Variants in KLHL30 observed in about 807,000 individuals in gnomAD.
The protein encoded by KLHL30 is kelch-like protein 30.
A neutral mutation model predicts 55.0 loss-of-function variants in KLHL30; 55 were observed. That is an observed-to-expected ratio of 1.00 (90% confidence interval 0.80 to 1.25). The LOEUF (loss-of-function observed/expected upper bound fraction) is 1.25, where lower values mean the gene tolerates loss of function less well. Ranked by LOEUF, KLHL30 falls within the 50% of genes most tolerant of loss-of-function variation. KLHL30 has a pLI of 0.00. For synonymous variants in KLHL30, 356 were observed against 372.6 expected, an observed-to-expected ratio of 0.96 and a Z score of 0.51; for missense variants, 786 against 811.6, an observed-to-expected ratio of 0.97 and a Z score of 0.38.
intron 2 of KLHL30, 78 bp from the exon 3 acceptor site, chr2:238,142,721 G>A: frequency 7.7e-7 from 1 of 1,292,942 alleles, no homozygotes; most frequent in South Asian, 2.4e-5. Flanking sequence ...CACATGCTGA[G>A]GCCTGCCCAG....
In KLHL30 at chr2:238,143,220, A is replaced by G. The variant is rs533577482; in HGVS notation, c.907+289A>G. On this transcript the variant is annotated intron_variant, in intron 3 of 7. Coordinates refer to ENST00000409223, the MANE Select transcript of KLHL30 (RefSeq NM_198582.4). ...AGCCGGTGTACAGGCCTCCACGGCC[A>G]AGACTGCACCCTGTGGGGTGGGCGG... Among the ~76,000 whole-genome samples, 8 of 152,206 alleles carry G rather than the reference A, an allele frequency of 5.3e-5. No individual in the cohort carries two copies. In the South Asian group the frequency reaches 1.7e-3, roughly 32 times the overall value.
intron 1 of KLHL30, among the ~76,000 whole-genome samples, chr2:238,139,085 G>A (rs970842751): frequency 1.3e-5 from 2 of 152,176 alleles, no homozygotes; most frequent in African/African-American, 2.4e-5. Flanking sequence ...TCCTCACTCC[G>A]GGCCTGGGCA....
Position 238,140,856 on chromosome 2 carries a change from C to T in KLHL30, c.102C>T (p.Asp34=), listed in dbSNP as rs546002595. 3.4e-5 allele frequency: 55 copies of T among 1,610,992 alleles called. No homozygotes were observed. The highest frequency in any genetic ancestry group is 1.2e-4 in the African/African-American group (9 of 75,036). ...TGCGCTCTCAGCCCAAGCTGGCCGA[C>T]GTCACACTGCTGGTGGGCGGCCGGG... ...QRLRSQPKLA[D]VTLLVGGREL... The change falls in exon 2 of 8, where the codon GAC becomes GAT. Residue 34 remains aspartate, a synonymous_variant. Coordinates refer to ENST00000409223, the MANE Select transcript of KLHL30 (RefSeq NM_198582.4).
rs1375957273 is a variant in KLHL30 at position 238,147,062 on chromosome 2, C to T, written c.1151-772C>T. ...CACGTGCCAGCCGAGGTAGGAGTAT[C>T]GCTGAGCCTGAGAGGTTGAGGCTGC... On this transcript the variant is annotated intron_variant, in intron 5 of 7. Transcript: ENST00000409223. The surrounding 1 kb of genome is among the most constrained non-coding windows in gnomAD (Gnocchi z 5.8). Among the ~76,000 whole-genome samples, 1 of 149,486 alleles carries T rather than the reference C, an allele frequency of 6.7e-6. No individual in the cohort carries two copies. Among genetic ancestry groups the T allele is most frequent in the Non-Finnish European group, 1.5e-5 (1 of 67,550 alleles).
rs557055266 is a variant in KLHL30 at position 238,147,387 on chromosome 2, C to T, written c.1151-447C>T. The stretch of plus-strand genomic sequence containing the variant: ...GCCAGGGCCTGCTCTCCCCAGGAGG[C>T]GTCCCCATCACTGCCACACCCAGAT... On this transcript the variant is annotated intron_variant, in intron 5 of 7. Coordinates refer to ENST00000409223, the MANE Select transcript of KLHL30 (RefSeq NM_198582.4). The surrounding 1 kb of genome is among the most constrained non-coding windows in gnomAD (Gnocchi z 5.8). Among the ~76,000 whole-genome samples, 27 of 152,166 alleles carry T rather than the reference C, an allele frequency of 1.8e-4. No individual in the cohort carries two copies. The highest frequency in any genetic ancestry group is 6.5e-4 in the African/African-American group (27 of 41,526).
intron 6 of KLHL30, among the ~76,000 whole-genome samples, 179 bp from the exon 7 acceptor site, chr2:238,148,828 G>A (rs1559277633): frequency 1.3e-5 from 2 of 152,168 alleles, no homozygotes; most frequent in South Asian, 4.1e-4. Flanking sequence ...GATCGAGGCT[G>A]GGTGAGAGGC....
chr2:238,143,357 C>T (rs1173117492), intron 3 of KLHL30, among the ~76,000 whole-genome samples: 3 of 152,214 alleles, frequency 2.0e-5, no homozygotes, highest in Non-Finnish European at 4.4e-5. Context: ...GCTGGAGGAG[C>T]GAGAACTCAG....
rs377114287 is a variant in KLHL30 at position 238,145,765 on chromosome 2, G to A, written c.1083G>A (p.Ala361=). ...PLKEASWKPV[A]PMLKPRTNHA... ...AGGAGGCCTCCTGGAAGCCCGTGGCGCCCATGCTGAAGCCCCGCACCAACC... is the reference window on the plus strand; with the variant it reads ...AGGAGGCCTCCTGGAAGCCCGTGGCACCCATGCTGAAGCCCCGCACCAACC... Residue 361 remains alanine, a synonymous_variant, in exon 5 of 8, where the codon GCG becomes GCA. Transcript: ENST00000409223. 27 of 1,605,990 alleles carry A rather than the reference G, an allele frequency of 1.7e-5. No homozygotes were observed. The highest frequency in any genetic ancestry group is 2.7e-5 in the African/African-American group (2 of 74,896).
At chr2:238,148,975 G>T in intron 6 of KLHL30, 32 bp from the exon 7 acceptor site, 2 of 1,559,624 alleles carry the variant, frequency 1.3e-6, no homozygotes, top group East Asian at 2.4e-5. Context: ...GGCAACCCTG[G>T]TGACGGTGGC....
Position 238,141,197 on chromosome 2 carries a change from T to A in KLHL30, c.443T>A (p.Leu148Gln), listed in dbSNP as rs763499949. Residue 148 changes from leucine to glutamine, a missense_variant, in exon 2 of 8, where the codon CTG becomes CAG. Physicochemically the swap from Leu to Gln is moderately radical, Grantham distance 113. Transcript: ENST00000409223. ...ICEFGEQQGL[L>Q]GVAAKAWAFL... Reference sequence around the variant, plus strand: ...GAGTTCGGGGAGCAGCAAGGGCTGCTGGGCGTGGCTGCCAAGGCCTGGGCC... The same window carrying A: ...GAGTTCGGGGAGCAGCAAGGGCTGCAGGGCGTGGCTGCCAAGGCCTGGGCC... The A allele has an allele frequency of 4.3e-5, 70 of 1,611,464 alleles. No individual in the cohort carries two copies. In the East Asian group the frequency reaches 1.6e-3, roughly 36 times the overall value.
chr2:238,139,711 C>T (rs1221443752), intron 1 of KLHL30, among the ~76,000 whole-genome samples: 3 of 152,184 alleles, frequency 2.0e-5, no homozygotes, highest in Admixed American at 6.5e-5. Context: ...TACCTGTGGA[C>T]GCGCGGCCGC....
chr2:238,150,722 C>T, intron 7 of KLHL30, 92 bp from the exon 8 acceptor site: 1 of 1,431,816 alleles, frequency 7.0e-7, no homozygotes, highest in East Asian at 2.5e-5. Flanking sequence ...GCTGGCTGTC[C>T]TCTCTGCCAC....
rs754315719 is a variant in KLHL30 at position 238,141,027 on chromosome 2, G to T, written c.273G>T (p.Val91=). 1.9e-6 allele frequency: 3 copies of T among 1,612,442 alleles called. No homozygotes were observed. Among genetic ancestry groups the T allele is most frequent in the African/African-American group, 2.7e-5 (2 of 75,058 alleles). ...PAVVGQLVDF[V]YTGRLTITQG... is the part of the protein sequence containing the mutation. ...TGGTGGGACAACTGGTGGACTTCGTGTACACAGGCCGGCTGACCATCACGC... is the reference window on the plus strand; with the variant it reads ...TGGTGGGACAACTGGTGGACTTCGTTTACACAGGCCGGCTGACCATCACGC... Residue 91 remains valine (V), a synonymous_variant, in exon 2 of 8, where the codon GTG becomes GTT. Coordinates refer to ENST00000409223, the MANE Select transcript of KLHL30 (RefSeq NM_198582.4).
chr2:238,145,640 C>G, intron 4 of KLHL30, 37 bp from the exon 5 acceptor site: 1 of 1,556,934 alleles, frequency 6.4e-7, no homozygotes, highest in Non-Finnish European at 8.7e-7. Flanking sequence ...GTGCCCCAGG[C>G]TGGTGGCACC....
Position 238,145,772 on chromosome 2 carries a change from C to G in KLHL30, c.1090C>G (p.Leu364Val). 1.2e-6 allele frequency: 2 copies of G among 1,607,092 alleles called. No individual in the cohort carries two copies. The highest frequency in any genetic ancestry group is 1.7e-6 in the Non-Finnish European group (2 of 1,177,800). The change falls in exon 5 of 8, where the codon CTG (leucine) becomes GTG (valine). Residue 364 changes from leucine (L) to valine (V), a missense_variant. Coordinates refer to ENST00000409223, the MANE Select transcript of KLHL30 (RefSeq NM_198582.4). ...EASWKPVAPMLKPRTNHASAA... is the reference protein window; with the variant it reads ...EASWKPVAPMVKPRTNHASAA... The stretch of plus-strand genomic sequence containing the variant: ...CTCCTGGAAGCCCGTGGCGCCCATG[C>G]TGAAGCCCCGCACCAACCACGCCAG...
rs564774581 is a variant in KLHL30, at chr2:238,150,799, G to T, written c.1486-15G>T. The T allele has an allele frequency of 6.4e-7, 1 of 1,566,370 alleles. No homozygotes were observed. The highest frequency in any genetic ancestry group is 8.6e-7 in the Non-Finnish European group (1 of 1,156,482). ...GCTCCCGCCCACCGGACGCTAACCC[G>T]CTGACCGTGCACAGGTGCAGTCACA... On this transcript the variant is annotated splice_polypyrimidine_tract_variant and intron_variant, in intron 7 of 7. Coordinates refer to ENST00000409223, the MANE Select transcript of KLHL30 (RefSeq NM_198582.4).
Position 238,152,046 on chromosome 2 carries a change from G to A in KLHL30, c.*981G>A, listed in dbSNP as rs983526119. On this transcript the variant is annotated 3_prime_UTR_variant, in exon 8 of 8. Coordinates refer to ENST00000409223, the MANE Select transcript of KLHL30 (RefSeq NM_198582.4). The stretch of plus-strand genomic sequence containing the variant: ...CTTTGCAGCTAAGGAGACAATGAAG[G>A]ACTCTCCCTGGGTGCCCAATGGCGT... 4.1e-6 allele frequency: 4 copies of A among 985,380 alleles called. No individual in the cohort carries two copies. Among genetic ancestry groups the A allele is most frequent in the Admixed American group, 6.1e-5 (1 of 16,268 alleles). The allele number at this position is 985,380 out of a possible 1,614,324, so 61.0% of individuals were successfully genotyped here.
At chr2:238,144,432 A>AGGAAGGAAGGCAGGCAGGC (rs1692607584) in intron 3 of KLHL30, among the ~76,000 whole-genome samples, 18 of 82,448 alleles carry the variant, frequency 2.2e-4, no homozygotes, top group African/African-American at 8.2e-4. Flanking sequence ...GGAAGGAAGG[A>AGGAAGGAAGGCAGGCAGGC]AGGCAGGCAG....
rs539598913 is a variant in KLHL30, at chr2:238,141,086, C to T, written c.332C>T (p.Ala111Val). The T allele has an allele frequency of 1.9e-4, 305 of 1,608,358 alleles. 2 individuals are homozygous for T. The East Asian group carries it at 6.4e-3, about 34-fold the overall frequency. ...GTGGAGGCGCTGACACGCACGGCTG[C>T]GCGCCTGCACTTCCCCTCGGTGCAG... is the stretch of plus-strand genomic sequence containing the variant. ...GNVEALTRTA[A>V]RLHFPSVQKV... is the part of the protein sequence containing the mutation. Residue 111 changes from alanine to valine, a missense_variant, in exon 2 of 8, where the codon GCG becomes GTG. Transcript: ENST00000409223.
Sources: allele counts gnomAD v4.1 joint callset (sites outside exome capture counted in the v4.1 genomes callset), GRCh38; gene constraint gnomAD v4.1.1; non-coding constraint Gnocchi (gnomAD v3.1); transcripts MANE v1.5; gene names NCBI Gene and HGNC (gene_info 2026-07-23, HGNC 2026-07-21).